Variants in GNB1 observed in about 807,000 individuals in gnomAD.
The protein encoded by GNB1 is guanine nucleotide-binding protein G(I)/G(S)/G(T) subunit beta-1.
GNB1 carries 2 observed loss-of-function variants against 42.9 expected under a neutral mutation model. That is an observed-to-expected ratio of 0.05 (90% CI 0.02 to 0.15). The LOEUF is 0.15. GNB1 is among the 10% of genes least tolerant of loss of function. The pLI is 1.00. For synonymous variants in GNB1, 183 were observed against 174.7 expected, an observed-to-expected ratio of 1.05 and a Z score of -0.38; for missense variants, 193 against 462.2, an observed-to-expected ratio of 0.42 and a Z score of 5.34.
chr1:1,869,118 G>A (rs772830121), intron 1 of GNB1, among the ~76,000 whole-genome samples: 2 of 147,998 alleles, frequency 1.4e-5, no homozygotes, highest in African/African-American at 5.0e-5. Context: ...CCCAGGAGGC[G>A]GAGCTTGCAG....
intron 1 of GNB1, among the ~76,000 whole-genome samples, chr1:1,850,429 A>G (rs530674512): frequency 3.4e-4 from 51 of 151,858 alleles, no homozygotes; most frequent in African/African-American, 1.2e-3. Flanking sequence ...CACCGCGCCC[A>G]GCCTAAATGC....
In GNB1 at chr1:1,795,752, C is replaced by CAAAAAAAT. The variant is rs1557884001; in HGVS notation, c.431-2442_431-2441insATTTTTTT. 5.9e-4 allele frequency among the ~76,000 whole-genome samples: 5 copies of CAAAAAAAT among 8,520 alleles called. No individual in the cohort carries two copies. The Non-Finnish European group carries it at 0.012, about 21-fold the overall frequency. 5.6% of individuals were successfully genotyped at this position (8,520 alleles called of 152,430 possible). ...TGGGCAACAGAGTGAGACTCTGCCT[C>CAAAAAAAT]AAAAAAACAAAAAACATGACCTCAT... On this transcript the variant is annotated intron_variant, in intron 7 of 11. Transcript: ENST00000378609.
At chr1:1,886,433 T>C (rs1403090463) in intron 1 of GNB1, among the ~76,000 whole-genome samples, 1 of 152,244 alleles carries the variant, frequency 6.6e-6, no homozygotes, top group Non-Finnish European at 1.5e-5. Context: ...AAATAGGTGG[T>C]GCTCTGTCCC....
At chr1:1,841,764 A>C (rs1474986136) in intron 1 of GNB1, among the ~76,000 whole-genome samples, 1 of 152,232 alleles carries the variant, frequency 6.6e-6, no homozygotes, top group Non-Finnish European at 1.5e-5. Flanking sequence ...CGGCAGTAAA[A>C]ATGAGTGTGG....
intron 9 of GNB1, 29 bp from the exon 10 acceptor site, chr1:1,789,298 A>C: frequency 8.0e-7 from 1 of 1,254,248 alleles, no homozygotes; most frequent in Non-Finnish European, 1.2e-6. Flanking sequence ...TCAAGACATC[A>C]TGTAAACGCT....
At chr1:1,871,554 C>T (rs1649250398) in intron 1 of GNB1, among the ~76,000 whole-genome samples, 1 of 152,140 alleles carries the variant, frequency 6.6e-6, no homozygotes, top group African/African-American at 2.4e-5. Flanking sequence ...CCTCTAATAG[C>T]TGGGCACCCC....
At chr1:1,804,206 G>A (rs1469940973) in intron 7 of GNB1, among the ~76,000 whole-genome samples, 2 of 151,680 alleles carry the variant, frequency 1.3e-5, no homozygotes, top group Non-Finnish European at 1.5e-5. Context: ...CTGAGGCAGG[G>A]GAATGGCGTG....
intron 1 of GNB1, among the ~76,000 whole-genome samples, chr1:1,877,457 T>G (rs547105304): frequency 6.6e-6 from 1 of 151,794 alleles, no homozygotes; most frequent in African/African-American, 2.4e-5. Flanking sequence ...TGAGAGATTA[T>G]AGATTTTTGC....
intron 5 of GNB1, among the ~76,000 whole-genome samples, chr1:1,807,879 T>C (rs1184997490): frequency 6.6e-6 from 1 of 151,856 alleles, no homozygotes; most frequent in Admixed American, 6.6e-5. Flanking sequence ...AGCTAATTCT[T>C]TTTGTATTTT....
At chr1:1,875,575 C>T (rs924145592) in intron 1 of GNB1, among the ~76,000 whole-genome samples, 6 of 152,070 alleles carry the variant, frequency 3.9e-5, no homozygotes, top group African/African-American at 1.4e-4. Flanking sequence ...GTGGCACAAT[C>T]ATAGCTCATT....
At chr1:1,869,237 C>T (rs1203153914) in intron 1 of GNB1, among the ~76,000 whole-genome samples, 5 of 138,078 alleles carry the variant, frequency 3.6e-5, no homozygotes, top group African/African-American at 1.3e-4. Flanking sequence ...AAAAAAGAAG[C>T]AAACTTACAA....
chr1:1,877,835 T>C (rs1649633662), intron 1 of GNB1, among the ~76,000 whole-genome samples: 1 of 152,166 alleles, frequency 6.6e-6, no homozygotes, highest in Non-Finnish European at 1.5e-5. Context: ...CAAGATTAAC[T>C]GGGTGTTGAG....
Position 1,790,524 on chromosome 1 carries a change from A to G in GNB1, c.570T>C (p.Leu190=). 1.2e-6 allele frequency: 2 copies of G among 1,612,880 alleles called. No individual in the cohort carries two copies. The highest frequency in any genetic ancestry group is 1.7e-6 in the Non-Finnish European group (2 of 1,178,896). The change falls in exon 9 of 12, where the codon CTT becomes CTC. Residue 190 remains leucine, a synonymous_variant. Transcript: ENST00000378609. The surrounding 1 kb of genome is among the most constrained non-coding windows in gnomAD (Gnocchi z 5.4). The part of the protein sequence containing the change: ...FTGHTGDVMS[L]SLAPDTRLFV... ...ACAGTCTGGTGTCAGGAGCAAGAGA[A>G]AGGCTCATGACATCTCCAGTGTGTC...
intron 1 of GNB1, among the ~76,000 whole-genome samples, chr1:1,869,363 G>C (rs1649125324): frequency 6.6e-6 from 1 of 152,118 alleles, no homozygotes; most frequent in Admixed American, 6.6e-5. Flanking sequence ...TTCACTAGAA[G>C]GTGACAGTCT....
At chr1:1,791,071 T>A (rs1646475327) in intron 8 of GNB1, among the ~76,000 whole-genome samples, 1 of 152,018 alleles carries the variant, frequency 6.6e-6, no homozygotes, top group Non-Finnish European at 1.5e-5. Flanking sequence ...AGAAGGCCAA[T>A]GCCAGGTAAA....
chr1:1,790,603 C>T lies in GNB1; in HGVS notation c.498-7G>A, dbSNP rs368538489. 2 of 1,606,610 alleles carry T rather than the reference C, an allele frequency of 1.2e-6. No homozygotes were observed. Among genetic ancestry groups the T allele is most frequent in the African/African-American group, 2.7e-5 (2 of 74,750 alleles). ...CTCGATGTCCCACAGGGCACTGGAG[C>T]AGGAGCGAATGACAAGGGGACATCA... is the stretch of plus-strand genomic sequence containing the variant. On this transcript the variant is annotated splice_polypyrimidine_tract_variant and splice_region_variant and intron_variant, in intron 8 of 11. Coordinates refer to ENST00000378609, the MANE Select transcript of GNB1 (RefSeq NM_002074.5). This position sits in a 1 kb window ranked among gnomAD's most constrained non-coding sequence, Gnocchi z 5.4.
chr1:1,855,321 CAA>C (rs371204734), intron 1 of GNB1, among the ~76,000 whole-genome samples: 31 of 99,508 alleles, frequency 3.1e-4, no homozygotes, highest in Admixed American at 2.2e-4. Context: ...GACACTGTGT[CAA>C]AAAAAAAAAA....
chr1:1,859,532 G>C (rs1648494534), intron 1 of GNB1, among the ~76,000 whole-genome samples: 1 of 152,100 alleles, frequency 6.6e-6, no homozygotes, highest in Non-Finnish European at 1.5e-5. Flanking sequence ...ATGTATCGTG[G>C]CCTAAAGGCA....
intron 2 of GNB1, among the ~76,000 whole-genome samples, chr1:1,834,475 T>G (rs1038714085): frequency 1.3e-5 from 2 of 152,166 alleles, no homozygotes; most frequent in Admixed American, 1.3e-4. Flanking sequence ...ATTCAATAGA[T>G]ACACATCTTC....
Sources: allele counts gnomAD v4.1 joint callset (sites outside exome capture counted in the v4.1 genomes callset), GRCh38; gene constraint gnomAD v4.1.1; non-coding constraint Gnocchi (gnomAD v3.1); transcripts MANE v1.5; gene names NCBI Gene and HGNC (gene_info 2026-07-23, HGNC 2026-07-21).